The following TNFRSF1B variants were observed in gnomAD, a reference collection of about 807,000 sequenced individuals.
TNFRSF1B encodes the protein tumor necrosis factor receptor superfamily member 1B.
TNFRSF1B carries 19 observed loss-of-function variants against 44.6 expected under a neutral mutation model. The ratio of observed to expected loss-of-function variants is 0.43; its 90% CI spans 0.30 to 0.62. TNFRSF1B has a LOEUF of 0.62. Among genes scored for constraint, TNFRSF1B ranks in the 20% least tolerant of loss-of-function variants. The probability of loss-of-function intolerance (pLI) is 0.16; values close to 1 mark genes in which losing one functional copy is unlikely to be tolerated. For missense variants in TNFRSF1B, 541 were observed against 619.9 expected, an observed-to-expected ratio of 0.87 and a Z score of 1.35; for synonymous variants, 252 against 261.1, an observed-to-expected ratio of 0.97 and a Z score of 0.34.
rs112356758 is a variant in TNFRSF1B, at chr1:12,168,813, C to T, written c.78+1644C>T. Among the ~76,000 whole-genome samples the T allele has an allele frequency of 6.6e-6, 1 of 152,196 alleles. No homozygotes were observed. Among genetic ancestry groups the T allele is most frequent in the Non-Finnish European group, 1.5e-5 (1 of 68,028 alleles). On this transcript the variant is annotated intron_variant, in intron 1 of 9. Transcript: ENST00000376259. The surrounding 1 kb of genome is among the most constrained non-coding windows in gnomAD (Gnocchi z 4.7). ...GGTCTCCCGGCCCTGCCCCCTCTCC[C>T]GCTGATCCTTGGCAGAGAGACCCTT...
intron 8 of TNFRSF1B, 133 bp downstream of exon 8, chr1:12,194,751 G>A: frequency 8.6e-7 from 1 of 1,159,020 alleles, no homozygotes; most frequent in Admixed American, 2.0e-5. Context: ...CCTGGGAGGT[G>A]GAGGAAAGGC....
chr1:12,201,484 A>C (rs1639389419), intron 8 of TNFRSF1B, among the ~76,000 whole-genome samples: 4 of 151,790 alleles, frequency 2.6e-5, no homozygotes, highest in Admixed American at 1.3e-4. Context: ...AAAAAAAAAA[A>C]AAGGCACAGA....
chr1:12,192,781 C>T, intron 5 of TNFRSF1B, 82 bp from the exon 6 acceptor site: 3 of 1,243,274 alleles, frequency 2.4e-6, no homozygotes, highest in Non-Finnish European at 3.4e-6. Flanking sequence ...CCTATCCTGC[C>T]TGCTGGGGCC....
chr1:12,183,545 ATC>A (rs1470941774), intron 1 of TNFRSF1B, among the ~76,000 whole-genome samples: 1 of 149,538 alleles, frequency 6.7e-6, no homozygotes, highest in Middle Eastern at 3.2e-3. Context: ...ACTTTCTATT[ATC>A]TCTATCATCT....
At chr1:12,179,326 G>A (rs572331443) in intron 1 of TNFRSF1B, among the ~76,000 whole-genome samples, 7 of 152,296 alleles carry the variant, frequency 4.6e-5, no homozygotes, top group East Asian at 1.9e-4. Flanking sequence ...TGGCCCTGGC[G>A]TTGCTGTGAC....
intron 8 of TNFRSF1B, among the ~76,000 whole-genome samples, chr1:12,198,976 AGCCACTGC>A (rs1279844521): frequency 6.6e-6 from 1 of 151,946 alleles, no homozygotes; most frequent in Non-Finnish European, 1.5e-5. Context: ...TACAGGTGTG[AGCCACTGC>A]GCCCGGCCCT....
At chr1:12,196,990 C>G (rs1639281173) in intron 8 of TNFRSF1B, among the ~76,000 whole-genome samples, 1 of 151,554 alleles carries the variant, frequency 6.6e-6, no homozygotes, top group South Asian at 2.1e-4. Context: ...CTATGTCGCC[C>G]AGGCTGCAGT....
At chr1:12,183,695 TCTATCTATCTATCTATTCTA>T (rs1557628860) in intron 1 of TNFRSF1B, among the ~76,000 whole-genome samples, 26 of 127,744 alleles carry the variant, frequency 2.0e-4, no homozygotes, top group South Asian at 5.5e-4. Flanking sequence ...TATCTATCTA[TCTATCTATCTATCTATTCTA>T]TCTACCTATC....
chr1:12,170,499 C>T (rs986779231), intron 1 of TNFRSF1B, among the ~76,000 whole-genome samples: 1 of 152,230 alleles, frequency 6.6e-6, no homozygotes, highest in Non-Finnish European at 1.5e-5. Flanking sequence ...GCACCTGGCA[C>T]AGTGGCTCCC....
At position 12,169,430 on chromosome 1, in the gene TNFRSF1B, A is replaced by G. The variant is rs750293785; in HGVS notation, c.78+2261A>G. 6.6e-6 allele frequency among the ~76,000 whole-genome samples: 1 copy of G among 151,958 alleles called. No individual in the cohort carries two copies. The highest frequency in any genetic ancestry group is 1.5e-5 in the Non-Finnish European group (1 of 67,996). On this transcript the variant is annotated intron_variant, in intron 1 of 9. Coordinates refer to ENST00000376259, the MANE Select transcript of TNFRSF1B (RefSeq NM_001066.3). This position sits in a 1 kb window ranked among gnomAD's most constrained non-coding sequence, Gnocchi z 4.5. ...GCCGTTTGTCTTTAGAGATGTGGAA[A>G]CTGAGGCGTTTCCCAGGATCACAGA...
At chr1:12,191,465 AGGGAGGAGCGGGACTGTG>A (rs966235551) in intron 3 of TNFRSF1B, among the ~76,000 whole-genome samples, 18 of 142,384 alleles carry the variant, frequency 1.3e-4, no homozygotes, top group South Asian at 2.3e-4. Flanking sequence ...GCAGGACTGC[AGGGAGGAGCGGGACTGTG>A]GGGAGGAGCG....
At chr1:12,206,123 C>A (rs1245897381) in intron 9 of TNFRSF1B, among the ~76,000 whole-genome samples, 1 of 152,098 alleles carries the variant, frequency 6.6e-6, no homozygotes, top group Non-Finnish European at 1.5e-5. Context: ...CACGGTGGCT[C>A]ACACCTGTAA....
chr1:12,204,276 C>T (rs948729457), intron 9 of TNFRSF1B, among the ~76,000 whole-genome samples: 9 of 152,208 alleles, frequency 5.9e-5, no homozygotes, highest in Admixed American at 1.3e-4. Flanking sequence ...CATCCACCCC[C>T]GCAATGTCTC....
intron 1 of TNFRSF1B, among the ~76,000 whole-genome samples, chr1:12,174,417 T>G (rs1290277647): frequency 6.6e-6 from 1 of 151,926 alleles, no homozygotes; most frequent in Non-Finnish European, 1.5e-5. Flanking sequence ...CCGGCTAGTT[T>G]TTGTATTTTT....
intron 1 of TNFRSF1B, among the ~76,000 whole-genome samples, chr1:12,174,365 A>G (rs1331052628): frequency 6.6e-6 from 1 of 152,050 alleles, no homozygotes; most frequent in East Asian, 1.9e-4. Context: ...CTCCAGCCTC[A>G]ACCTTCCAAG....
chr1:12,192,307 T>TGA, intron 4 of TNFRSF1B, 124 bp from the exon 5 acceptor site: 1 of 730,416 alleles, frequency 1.4e-6, no homozygotes, highest in African/African-American at 1.8e-5. Flanking sequence ...TGTGTGTGTG[T>TGA]AAGGGGTGGA....
intron 8 of TNFRSF1B, among the ~76,000 whole-genome samples, chr1:12,195,002 C>A (rs1297053338): frequency 6.6e-6 from 1 of 152,232 alleles, no homozygotes; most frequent in African/African-American, 2.4e-5. Context: ...TTTCTCCTTG[C>A]CTCCATTGTG....
At chr1:12,174,154 T>TCTTCTTCTCCTTCTCCTTCTC (rs1638588753) in intron 1 of TNFRSF1B, among the ~76,000 whole-genome samples, 1 of 73,996 alleles carries the variant, frequency 1.4e-5, no homozygotes. Context: ...TTCTTCTTCT[T>TCTTCTTCTCCTTCTCCTTCTC]CTTCTTCTTC....
intron 8 of TNFRSF1B, 51 bp downstream of exon 8, chr1:12,194,669 C>CGT (rs1189617075): frequency 1.2e-6 from 2 of 1,604,502 alleles, no homozygotes; most frequent in Non-Finnish European, 8.5e-7. Context: ...TCCTTCCCGG[C>CGT]GTGCTGGGCT....
Sources: gnomAD v4.1 joint callset for allele counts (sites outside exome capture counted in the v4.1 genomes callset) on GRCh38, gnomAD v4.1.1 for gene constraint, Gnocchi (gnomAD v3.1) non-coding constraint, MANE v1.5 for transcripts, NCBI Gene and HGNC (gene_info 2026-07-23, HGNC 2026-07-21) for gene names.